PPP1R16B: variants seen among roughly 807,000 people sequenced by gnomAD.
The protein encoded by PPP1R16B is protein phosphatase 1 regulatory inhibitor subunit 16B.
Under a neutral mutation model 61.7 loss-of-function variants are expected in PPP1R16B, and 14 were observed. The ratio of observed to expected loss-of-function variants is 0.23; its 90% CI spans 0.15 to 0.35. The LOEUF is 0.35. PPP1R16B is among the 10% of genes least tolerant of loss of function. The probability of loss-of-function intolerance (pLI) is 1.00; values close to 1 mark genes in which losing one functional copy is unlikely to be tolerated. For missense variants in PPP1R16B, 547 were observed against 752.5 expected, an observed-to-expected ratio of 0.73 and a Z score of 3.19; for synonymous variants, 266 against 305.3, an observed-to-expected ratio of 0.87 and a Z score of 1.34.
chr20:38,829,377 C>G (rs558469379), intron 1 of PPP1R16B, among the ~76,000 whole-genome samples: 148 of 152,338 alleles, frequency 9.7e-4, no homozygotes, highest in African/African-American at 3.3e-3. Context: ...ACCTGGCCTC[C>G]ACAGATCCCT....
chr20:38,864,758 G>T (rs193001341), intron 2 of PPP1R16B, among the ~76,000 whole-genome samples: 3 of 152,332 alleles, frequency 2.0e-5, no homozygotes, highest in South Asian at 4.1e-4. Flanking sequence ...TGCACAGGGT[G>T]TAGGGCCTAG....
chr20:38,807,707 C>T (rs1387631944), intron 1 of PPP1R16B, among the ~76,000 whole-genome samples: 1 of 152,158 alleles, frequency 6.6e-6, no homozygotes, highest in East Asian at 1.9e-4. Flanking sequence ...TCAACCAGGC[C>T]ACCCTGGACT....
chr20:38,877,962 T>G (rs1247225051), intron 2 of PPP1R16B, among the ~76,000 whole-genome samples: 20 of 148,122 alleles, frequency 1.4e-4, no homozygotes, highest in African/African-American at 4.0e-4. Flanking sequence ...GTTTTTTTTT[T>G]TTTTTTTTTT....
intron 10 of PPP1R16B, among the ~76,000 whole-genome samples, chr20:38,909,511 G>C (rs2085472297): frequency 6.6e-6 from 1 of 152,190 alleles, no homozygotes; most frequent in Non-Finnish European, 1.5e-5. Flanking sequence ...TTGCTGAGTG[G>C]AGTGAACAAG....
intron 2 of PPP1R16B, among the ~76,000 whole-genome samples, chr20:38,841,842 C>T (rs1250266671): frequency 2.0e-5 from 3 of 152,066 alleles, no homozygotes; most frequent in African/African-American, 4.8e-5. Flanking sequence ...AGTAGGTGAA[C>T]GTTTGGATTA....
intron 2 of PPP1R16B, among the ~76,000 whole-genome samples, chr20:38,852,812 T>G (rs62202523): frequency 0.074 from 10,667 of 143,560 alleles, 533 homozygotes; most frequent in East Asian, 0.09. Flanking sequence ...CTTGCTCTGT[T>G]GCCCAGGCTG....
intron 1 of PPP1R16B, among the ~76,000 whole-genome samples, chr20:38,819,113 AAG>A (rs2084757589): frequency 6.6e-6 from 1 of 152,188 alleles, no homozygotes; most frequent in Non-Finnish European, 1.5e-5. Context: ...AAAAATAAAA[AAG>A]AGCATGGGCT....
intron 10 of PPP1R16B, among the ~76,000 whole-genome samples, chr20:38,910,529 G>GTTT (rs201312664): frequency 2.1e-5 from 3 of 145,502 alleles, no homozygotes; most frequent in Admixed American, 6.9e-5. Context: ...TATAGCAGTA[G>GTTT]TTTTTTTTTG....
intron 4 of PPP1R16B, among the ~76,000 whole-genome samples, chr20:38,899,878 C>G (rs1407353236): frequency 6.6e-6 from 1 of 151,904 alleles, no homozygotes; most frequent in African/African-American, 2.4e-5. Context: ...CTCACTGCAA[C>G]CTCTGCCTCC....
intron 6 of PPP1R16B, among the ~76,000 whole-genome samples, chr20:38,904,246 C>T (rs1161631751): frequency 6.6e-6 from 1 of 152,198 alleles, no homozygotes; most frequent in African/African-American, 2.4e-5. Context: ...CATTGCAGCT[C>T]CAATGGGGCT....
At chr20:38,874,389 T>C (rs1185071065) in intron 2 of PPP1R16B, among the ~76,000 whole-genome samples, 4 of 152,204 alleles carry the variant, frequency 2.6e-5, no homozygotes, top group Non-Finnish European at 4.4e-5. Flanking sequence ...CAGCACTTTA[T>C]AATCTAATTC....
intron 2 of PPP1R16B, among the ~76,000 whole-genome samples, chr20:38,837,648 C>CAA (rs1392738907): frequency 3.3e-5 from 5 of 151,738 alleles, no homozygotes; most frequent in African/African-American, 1.2e-4. Flanking sequence ...CAGGTTCCAG[C>CAA]AATTCTTCTG....
intron 10 of PPP1R16B, among the ~76,000 whole-genome samples, chr20:38,909,897 A>T (rs1386907993): frequency 6.6e-6 from 1 of 152,198 alleles, no homozygotes; most frequent in East Asian, 1.9e-4. Flanking sequence ...CACATTTCAG[A>T]TGTCTCCCAG....
chr20:38,840,318 C>A (rs2084901921), intron 2 of PPP1R16B, among the ~76,000 whole-genome samples: 1 of 152,206 alleles, frequency 6.6e-6, no homozygotes. Context: ...AGTCAACCTC[C>A]CCCACCTGCC....
intron 3 of PPP1R16B, among the ~76,000 whole-genome samples, chr20:38,892,855 C>T (rs950595507): frequency 4.6e-5 from 7 of 152,158 alleles, no homozygotes; most frequent in African/African-American, 1.7e-4. Flanking sequence ...ATAGCATGTG[C>T]AAAGCCTTGA....
intron 2 of PPP1R16B, among the ~76,000 whole-genome samples, chr20:38,842,919 T>C (rs2084917473): frequency 6.6e-6 from 1 of 152,122 alleles, no homozygotes; most frequent in Admixed American, 6.5e-5. Context: ...TCACCCATAT[T>C]CCCCCTGAAC....
chr20:38,907,797 C>A lies in PPP1R16B; in HGVS notation c.899-9C>A. 6.2e-7 allele frequency: 1 copy of A among 1,613,912 alleles called. No individual in the cohort carries two copies. Among genetic ancestry groups the A allele is most frequent in the African/African-American group, 1.3e-5 (1 of 75,040 alleles). On this transcript the variant is annotated splice_polypyrimidine_tract_variant and intron_variant, in intron 8 of 10. Transcript: ENST00000299824. The surrounding 1 kb of genome is among the most constrained non-coding windows in gnomAD (Gnocchi z 4.5). ...CCGTCCCCCACAACAGACTCCTCTGCCCCTTCAGACCTGTGCGAGGAGGAA... is the reference window on the plus strand; with the variant it reads ...CCGTCCCCCACAACAGACTCCTCTGACCCTTCAGACCTGTGCGAGGAGGAA...
intron 2 of PPP1R16B, among the ~76,000 whole-genome samples, chr20:38,882,591 G>T (rs2085210806): frequency 6.6e-6 from 1 of 152,126 alleles, no homozygotes; most frequent in African/African-American, 2.4e-5. Flanking sequence ...TTTTATTCCT[G>T]AGTCATACTC....
At chr20:38,850,983 A>G (rs80157538) in intron 2 of PPP1R16B, among the ~76,000 whole-genome samples, 4 of 150,818 alleles carry the variant, frequency 2.7e-5, no homozygotes, top group African/African-American at 7.3e-5. Context: ...AAAAAAAAAA[A>G]TTGTTGAATA....
Sources: allele counts gnomAD v4.1 joint callset (sites outside exome capture counted in the v4.1 genomes callset), GRCh38; gene constraint gnomAD v4.1.1; non-coding constraint Gnocchi (gnomAD v3.1); transcripts MANE v1.5; gene names NCBI Gene and HGNC (gene_info 2026-07-23, HGNC 2026-07-21).